PDE10A: variants seen among roughly 807,000 people sequenced by gnomAD.
The protein encoded by PDE10A is phosphodiesterase 10A.
PDE10A carries 39 observed loss-of-function variants against 97.7 expected under a neutral mutation model. The ratio of observed to expected loss-of-function variants is 0.40; its 90% confidence interval spans 0.31 to 0.52. The LOEUF is 0.52. Among genes scored for constraint, PDE10A ranks in the 20% least tolerant of loss-of-function variants. The probability of loss-of-function intolerance (pLI) is 0.56; values close to 1 mark genes in which losing one functional copy is unlikely to be tolerated. For missense variants in PDE10A, 731 were observed against 1,047.8 expected (o/e 0.70, Z 4.17); for synonymous variants, 371 against 376.8 (o/e 0.98, Z 0.18).
chr6:165,472,237 G>C lies in PDE10A; in HGVS notation c.1023+10078C>G, dbSNP rs149204758. ...ATAATTTGTAATTTCCTCAACATTG[G>C]CCATTTCATATAAATTTGCAATTAC... On this transcript the variant is annotated intron_variant, in intron 3 of 21. Coordinates refer to ENST00000539869, the MANE Select transcript of PDE10A (RefSeq NM_001385079.1). 4.8e-3 allele frequency among the ~76,000 whole-genome samples: 732 copies of C among 151,934 alleles called. 3 individuals carry two copies. The highest frequency in any genetic ancestry group is 8.6e-3 in the Non-Finnish European group (585 of 67,932).
intron 1 of PDE10A, among the ~76,000 whole-genome samples, chr6:165,767,194 A>G (rs1309439697): frequency 6.6e-6 from 1 of 152,202 alleles, no homozygotes; most frequent in Admixed American, 6.5e-5. Context: ...GGCACCGAAA[A>G]AAAGTGCTTA....
chr6:165,393,062 A>C (rs1785842679), intron 15 of PDE10A, among the ~76,000 whole-genome samples: 1 of 152,142 alleles, frequency 6.6e-6, no homozygotes, highest in Admixed American at 6.5e-5. Flanking sequence ...AAATATCAGT[A>C]TTAGTACACA....
At chr6:165,360,850 C>A (rs914338408) in intron 18 of PDE10A, among the ~76,000 whole-genome samples, 18 of 152,124 alleles carry the variant, frequency 1.2e-4, no homozygotes, top group African/African-American at 4.1e-4. Flanking sequence ...AGAGACATGC[C>A]AAAACCACTG....
At chr6:165,504,249 G>T (rs1044969517) in intron 2 of PDE10A, among the ~76,000 whole-genome samples, 2 of 151,880 alleles carry the variant, frequency 1.3e-5, no homozygotes, top group Non-Finnish European at 2.9e-5. Flanking sequence ...AAGGTCATGT[G>T]GTTAAAGTGA....
At chr6:165,389,544 T>C (rs1163465051) in intron 16 of PDE10A, among the ~76,000 whole-genome samples, 4 of 152,182 alleles carry the variant, frequency 2.6e-5, no homozygotes, top group Non-Finnish European at 4.4e-5. Context: ...TCAACTGATA[T>C]GGAAGGACTG....
At chr6:165,395,128 A>G in intron 15 of PDE10A, 53 bp downstream of exon 15, 1 of 1,081,348 alleles carries the variant, frequency 9.2e-7, no homozygotes, top group Non-Finnish European at 1.4e-6. Context: ...TAGAAGGAGG[A>G]AGAGGTTATG....
intron 1 of PDE10A, among the ~76,000 whole-genome samples, chr6:165,924,711 C>G (rs1279963861): frequency 2.0e-5 from 3 of 152,176 alleles, no homozygotes; most frequent in Non-Finnish European, 4.4e-5. Context: ...ATCCAAGCAT[C>G]CTTATGCAAA....
At chr6:165,383,740 A>G (rs1460132852) in intron 17 of PDE10A, among the ~76,000 whole-genome samples, 1 of 152,182 alleles carries the variant, frequency 6.6e-6, no homozygotes, top group Non-Finnish European at 1.5e-5. Context: ...ACTCACAAAC[A>G]GAAAACTTCA....
At chr6:165,447,010 A>G (rs1790896519) in intron 5 of PDE10A, among the ~76,000 whole-genome samples, 1 of 152,202 alleles carries the variant, frequency 6.6e-6, no homozygotes, top group African/African-American at 2.4e-5. Flanking sequence ...TACAATTTAG[A>G]TATTGTAGAT....
intron 1 of PDE10A, among the ~76,000 whole-genome samples, chr6:165,649,410 C>G (rs1229738534): frequency 6.6e-6 from 1 of 152,096 alleles, no homozygotes; most frequent in Non-Finnish European, 1.5e-5. Context: ...CTCCCAGAGA[C>G]AGCATGAGCT....
chr6:165,492,300 C>T (rs149956423), intron 2 of PDE10A, among the ~76,000 whole-genome samples: 72 of 152,266 alleles, frequency 4.7e-4, no homozygotes, highest in Non-Finnish European at 8.7e-4. Flanking sequence ...TGGTACCAAT[C>T]CTGTTGACAC....
intron 1 of PDE10A, among the ~76,000 whole-genome samples, chr6:165,929,034 C>T (rs1302406506): frequency 3.3e-5 from 5 of 152,144 alleles, no homozygotes; most frequent in African/African-American, 1.2e-4. Context: ...GTGAATCAGC[C>T]TCTTGGAGCT....
intron 14 of PDE10A, 53 bp downstream of exon 14, chr6:165,396,264 T>G: frequency 6.5e-7 from 1 of 1,547,314 alleles, no homozygotes; most frequent in Non-Finnish European, 8.9e-7. Flanking sequence ...TCACTTTAAG[T>G]TCAATTCAAT....
At chr6:165,370,655 C>T (rs1257007946) in intron 18 of PDE10A, among the ~76,000 whole-genome samples, 1 of 147,858 alleles carries the variant, frequency 6.8e-6, no homozygotes, top group Non-Finnish European at 1.5e-5. Context: ...CCACTGTCAA[C>T]ATTAGACAGA....
At chr6:165,505,308 C>T (rs1467723364) in intron 2 of PDE10A, among the ~76,000 whole-genome samples, 1 of 152,100 alleles carries the variant, frequency 6.6e-6, no homozygotes, top group Admixed American at 6.6e-5. Flanking sequence ...CAAAAGACTC[C>T]AGTTTAAAAT....
chr6:165,724,736 T>C (rs1792250098), intron 1 of PDE10A, among the ~76,000 whole-genome samples: 1 of 152,200 alleles, frequency 6.6e-6, no homozygotes, highest in Non-Finnish European at 1.5e-5. Context: ...TGATCAGTAA[T>C]AAGGTAGAAG....
At chr6:165,914,860 G>T (rs1344658153) in intron 1 of PDE10A, among the ~76,000 whole-genome samples, 1 of 152,116 alleles carries the variant, frequency 6.6e-6, no homozygotes, top group East Asian at 1.9e-4. Context: ...ATTGGAAAGG[G>T]GATTCCAGTC....
intron 1 of PDE10A, among the ~76,000 whole-genome samples, chr6:165,982,218 C>T (rs537079293): frequency 2.0e-5 from 3 of 152,274 alleles, no homozygotes; most frequent in South Asian, 2.1e-4. Context: ...ACGCGTGAGT[C>T]GGTCATGCCC....
chr6:165,800,980 A>G (rs1318533897), intron 1 of PDE10A, among the ~76,000 whole-genome samples: 1 of 152,208 alleles, frequency 6.6e-6, no homozygotes, highest in Admixed American at 6.5e-5. Flanking sequence ...CTGGAGCTAG[A>G]GGTCCCACCC....
Sources: gnomAD v4.1 joint callset for allele counts (sites outside exome capture counted in the v4.1 genomes callset) on GRCh38, gnomAD v4.1.1 for gene constraint, MANE v1.5 for transcripts, NCBI Gene and HGNC (gene_info 2026-07-23, HGNC 2026-07-21) for gene names.